Variants in RAB39A observed in about 807,000 individuals in gnomAD.
RAB39A encodes the protein ras-related protein Rab-39A.
In RAB39A, 17 loss-of-function variants were observed where a neutral mutation model predicts 20.9. That is an observed-to-expected ratio of 0.81 (90% CI 0.56 to 1.22). RAB39A has a LOEUF of 1.22. Among genes scored for constraint, RAB39A ranks in the 50% most tolerant of loss-of-function variants. The probability of loss-of-function intolerance (pLI) is 0.00; values close to 1 mark genes in which losing one functional copy is unlikely to be tolerated. For synonymous variants in RAB39A, 99 were observed against 103.4 expected, an observed-to-expected ratio of 0.96 and a Z score of 0.26; for missense variants, 234 against 270.5, an observed-to-expected ratio of 0.87 and a Z score of 0.95.
chr11:107,959,030 G>A (rs1861468440), intron 1 of RAB39A, among the ~76,000 whole-genome samples: 1 of 151,938 alleles, frequency 6.6e-6, no homozygotes, highest in East Asian at 1.9e-4. Context: ...TGAGGCAGGA[G>A]AATTGCTTGA....
chr11:107,931,924 A>G (rs1861141845), intron 1 of RAB39A, among the ~76,000 whole-genome samples: 1 of 148,344 alleles, frequency 6.7e-6, no homozygotes, highest in Non-Finnish European at 1.5e-5. Flanking sequence ...CAGTGGCACA[A>G]TGTTGGCTCA....
chr11:107,945,095 A>G (rs1861295304), intron 1 of RAB39A, among the ~76,000 whole-genome samples: 1 of 151,924 alleles, frequency 6.6e-6, no homozygotes. Context: ...AGGCAGGAGA[A>G]TCGCTTGAAC....
At chr11:107,939,208 C>T (rs1334402407) in intron 1 of RAB39A, among the ~76,000 whole-genome samples, 1 of 144,304 alleles carries the variant, frequency 6.9e-6, no homozygotes, top group Non-Finnish European at 1.5e-5. Flanking sequence ...GGTGCCACTG[C>T]ACTCCAGCCT....
chr11:107,952,569 G>A (rs572686794), intron 1 of RAB39A, among the ~76,000 whole-genome samples: 13 of 151,830 alleles, frequency 8.6e-5, no homozygotes, highest in South Asian at 8.3e-4. Flanking sequence ...CAACAAGAGC[G>A]CAACTCTGTC....
chr11:107,951,000 C>G (rs1861372895), intron 1 of RAB39A, among the ~76,000 whole-genome samples: 1 of 152,046 alleles, frequency 6.6e-6, no homozygotes, highest in African/African-American at 2.4e-5. Flanking sequence ...GGAATTGATT[C>G]ACATATTCAA....
intron 1 of RAB39A, among the ~76,000 whole-genome samples, chr11:107,939,471 C>A (rs1386346958): frequency 6.6e-6 from 1 of 150,694 alleles, no homozygotes; most frequent in Admixed American, 6.6e-5. Flanking sequence ...AAAAATTAGC[C>A]GGGCATGGTG....
At chr11:107,961,079 T>G (rs902063798) in intron 1 of RAB39A, among the ~76,000 whole-genome samples, 2 of 152,178 alleles carry the variant, frequency 1.3e-5, no homozygotes, top group East Asian at 3.8e-4. Flanking sequence ...CTTGAATAGG[T>G]GCAACACAAG....
At chr11:107,943,474 G>A (rs1370053987) in intron 1 of RAB39A, among the ~76,000 whole-genome samples, 1 of 151,878 alleles carries the variant, frequency 6.6e-6, no homozygotes, top group African/African-American at 2.4e-5. Flanking sequence ...GGGAGGCTGA[G>A]GCAGCAGAAT....
intron 1 of RAB39A, among the ~76,000 whole-genome samples, chr11:107,938,005 G>A (rs1861213405): frequency 6.6e-6 from 1 of 152,054 alleles, no homozygotes; most frequent in Non-Finnish European, 1.5e-5. Context: ...AATTCACAGA[G>A]AAGGGAAATG....
intron 1 of RAB39A, among the ~76,000 whole-genome samples, chr11:107,950,049 C>G (rs1158150755): frequency 2.6e-5 from 4 of 151,662 alleles, no homozygotes; most frequent in African/African-American, 9.7e-5. Context: ...GCGTGGTGGC[C>G]GGCCCCTGTA....
chr11:107,948,655 T>A (rs1042875348), intron 1 of RAB39A, among the ~76,000 whole-genome samples: 9 of 152,030 alleles, frequency 5.9e-5, no homozygotes, highest in African/African-American at 1.9e-4. Flanking sequence ...TTAGCCAGGA[T>A]GGTCTCGATC....
intron 1 of RAB39A, among the ~76,000 whole-genome samples, chr11:107,947,045 T>A (rs111407427): frequency 2.0e-5 from 3 of 151,464 alleles, no homozygotes; most frequent in African/African-American, 7.3e-5. Context: ...CAATATAAAG[T>A]TGAAAAAAAA....
intron 1 of RAB39A, among the ~76,000 whole-genome samples, chr11:107,947,947 C>G (rs939793225): frequency 6.7e-6 from 1 of 150,014 alleles, no homozygotes; most frequent in African/African-American, 2.5e-5. Flanking sequence ...TTTAAGGAAG[C>G]TACTTGAAGA....
rs112993132 is a variant in RAB39A, at chr11:107,943,305, C to T, written c.227+14510C>T. Among the ~76,000 whole-genome samples the T allele has an allele frequency of 6.5e-3, 989 of 152,140 alleles. 11 individuals carry two copies. Among genetic ancestry groups the T allele is most frequent in the African/African-American group, 0.023 (941 of 41,502 alleles). Reference sequence around the variant, plus strand: ...AATCAGGACAGGCTGGGCGCAGTGGCTCACACCTGTAATCCCAGCACTTTG... The same window carrying T: ...AATCAGGACAGGCTGGGCGCAGTGGTTCACACCTGTAATCCCAGCACTTTG... On this transcript the variant is annotated intron_variant, in intron 1 of 1. Transcript: ENST00000320578.
chr11:107,943,875 ACTTGAGGT>A (rs1861283491), intron 1 of RAB39A, among the ~76,000 whole-genome samples: 2 of 152,070 alleles, frequency 1.3e-5, no homozygotes, highest in South Asian at 4.1e-4. Context: ...CGGGTGGATT[ACTTGAGGT>A]CAGGAGTTCA....
At position 107,928,634 on chromosome 11, in the gene RAB39A, C is replaced by G; in HGVS notation, c.66C>G (p.Ser22=). ...TCGGGGACTCCACCGTGGGCAAGTC[C>G]TGCCTCCTGCACCGCTTCACCCAGG... ...IVIGDSTVGK[S]CLLHRFTQGR... is the part of the protein sequence containing the mutation. The change falls in exon 1 of 2, where the codon TCC becomes TCG. Residue 22 remains serine (S), a synonymous_variant. Transcript: ENST00000320578. This position sits in a 1 kb window ranked among gnomAD's most constrained non-coding sequence, Gnocchi z 4.9. 1 of 1,608,188 alleles carries G rather than the reference C, an allele frequency of 6.2e-7. No individual in the cohort carries two copies. The highest frequency in any genetic ancestry group is 8.5e-7 in the Non-Finnish European group (1 of 1,175,628).
At chr11:107,955,409 C>G (rs1861423943) in intron 1 of RAB39A, among the ~76,000 whole-genome samples, 1 of 152,120 alleles carries the variant, frequency 6.6e-6, no homozygotes, top group Non-Finnish European at 1.5e-5. Context: ...ACCATTAGAT[C>G]TGATGGACCA....
At chr11:107,946,428 GTGTGTGTGTA>G (rs1288025445) in intron 1 of RAB39A, among the ~76,000 whole-genome samples, 34 of 19,764 alleles carry the variant, frequency 1.7e-3, no homozygotes, top group South Asian at 4.0e-3. Context: ...GTGTGTGTGT[GTGTGTGTGTA>G]TATATATATA....
chr11:107,934,998 GCCCCTAA>G (rs1565461416), intron 1 of RAB39A, among the ~76,000 whole-genome samples: 2 of 150,394 alleles, frequency 1.3e-5, no homozygotes. Context: ...TCTGGGAGCA[GCCCCTAA>G]CTATTACCAC....
Sources: gnomAD v4.1 joint callset for allele counts (sites outside exome capture counted in the v4.1 genomes callset) on GRCh38, gnomAD v4.1.1 for gene constraint, Gnocchi (gnomAD v3.1) non-coding constraint, MANE v1.5 for transcripts, NCBI Gene and HGNC (gene_info 2026-07-23, HGNC 2026-07-21) for gene names.